The following DLAT variants were observed in gnomAD, a reference collection of about 807,000 sequenced individuals.
DLAT encodes dihydrolipoamide S-acetyltransferase.
Under a neutral mutation model 68.0 loss-of-function variants are expected in DLAT, and 43 were observed. The observed-to-expected ratio is 0.63, with a 90% CI of 0.50 to 0.81. The LOEUF is 0.81. Among genes scored for constraint, DLAT ranks in the 40% least tolerant of loss-of-function variants. The probability of loss-of-function intolerance (pLI) is 0.00; values close to 1 mark genes in which losing one functional copy is unlikely to be tolerated. For synonymous variants in DLAT, 265 were observed against 288.6 expected (o/e 0.92, Z 0.83); for missense variants, 745 against 815.4 (o/e 0.91, Z 1.05).
At chr11:112,029,097 T>G in intron 4 of DLAT, 152 bp downstream of exon 4, 1 of 881,770 alleles carries the variant, frequency 1.1e-6, no homozygotes, top group Non-Finnish European at 1.8e-6. Flanking sequence ...GATTGACAAC[T>G]ATTCTTCCTG....
At chr11:112,033,809 C>G (rs1342093761) in intron 5 of DLAT, among the ~76,000 whole-genome samples, 1 of 152,168 alleles carries the variant, frequency 6.6e-6, no homozygotes, top group Non-Finnish European at 1.5e-5. Context: ...CCTTGAACTC[C>G]TGGGCTTATG....
chr11:112,040,338 C>T (rs587609673), intron 7 of DLAT, among the ~76,000 whole-genome samples: 165 of 152,254 alleles, frequency 1.1e-3, no homozygotes, highest in African/African-American at 3.6e-3. Flanking sequence ...TAAGAATTAT[C>T]ATTCCTTATT....
chr11:112,049,932 TAGGTG>T (rs1378357755), intron 10 of DLAT, among the ~76,000 whole-genome samples: 18 of 152,252 alleles, frequency 1.2e-4, no homozygotes, highest in African/African-American at 4.3e-4. Flanking sequence ...CAATGTTGAA[TAGGTG>T]TAGCAGAAGT....
At position 112,051,191 on chromosome 11, in the gene DLAT, A is replaced by T; in HGVS notation, c.1399-43A>T. On this transcript the variant is annotated intron_variant, in intron 10 of 13. Coordinates refer to ENST00000280346, the MANE Select transcript of DLAT (RefSeq NM_001931.5). This position sits in a 1 kb window ranked among gnomAD's most constrained non-coding sequence, Gnocchi z 4.3. ...CACCCTGAAACTTAAAATTAAAATT[A>T]AAATTAAAAAAGAAGAAACTACAGT... 1.5e-6 allele frequency: 2 copies of T among 1,336,140 alleles called. No homozygotes were observed. The highest frequency in any genetic ancestry group is 2.3e-5 in the East Asian group (1 of 43,420). 82.8% of individuals were successfully genotyped at this position (1,336,140 alleles called of 1,614,324 possible). A position where few individuals can be genotyped will look rare whatever the true frequency, so the allele number is the denominator to read the frequency against.
chr11:112,037,514 A>G (rs1862837494), intron 6 of DLAT, 54 bp downstream of exon 6: 1 of 1,569,882 alleles, frequency 6.4e-7, no homozygotes, highest in Non-Finnish European at 8.7e-7. Flanking sequence ...CTCTAAATTA[A>G]GGAGTTTTGA....
chr11:112,025,769 C>A lies in DLAT; in HGVS notation c.279+18C>A, dbSNP rs781890045. ...ATCAGAAGGTGAGCCCTAGACCCCC[C>A]TTCTCGGGACCCCGTTGTCCTTCAG... is the stretch of plus-strand genomic sequence containing the variant. On this transcript the variant is annotated intron_variant, in intron 1 of 13. Coordinates refer to ENST00000280346, the MANE Select transcript of DLAT (RefSeq NM_001931.5). 1 of 1,612,640 alleles carries A rather than the reference C, an allele frequency of 6.2e-7. No individual in the cohort carries two copies. Among genetic ancestry groups the A allele is most frequent in the Admixed American group, 1.7e-5 (1 of 59,968 alleles).
Position 112,032,103 on chromosome 11 carries a change from A to G in DLAT, c.661-1301A>G, listed in dbSNP as rs1862440167. On this transcript the variant is annotated intron_variant, in intron 4 of 13. Transcript: ENST00000280346. ...CGACATGATGGCCCGGCTGGTCTTG[A>G]ACTCCTGGCCTCAAGTGATCCGCCC... Among the ~76,000 whole-genome samples, 5 of 151,422 alleles carry G rather than the reference A, an allele frequency of 3.3e-5. No individual in the cohort carries two copies. In the South Asian group the frequency reaches 1.0e-3, roughly 32 times the overall value.
In DLAT at chr11:112,062,658, C is replaced by A; in HGVS notation, c.*123C>A. The A allele has an allele frequency of 8.5e-7, 1 of 1,176,188 alleles. No individual in the cohort carries two copies. Among genetic ancestry groups the A allele is most frequent in the Non-Finnish European group, 1.2e-6 (1 of 827,022 alleles). The allele number at this position is 1,176,188 out of a possible 1,614,324, so 72.9% of individuals were successfully genotyped here. ...AGTTATTTTTATTATTGAGTCTGTC[C>A]AGATAAGTTATTTATAATGGGCATT... is the stretch of plus-strand genomic sequence containing the variant. On this transcript the variant is annotated 3_prime_UTR_variant, in exon 14 of 14. Transcript: ENST00000280346.
Position 112,060,111 on chromosome 11 carries a change from TG to T in DLAT, c.1677+47del, listed in dbSNP as rs1864468465. 9.7e-6 allele frequency: 15 copies of T among 1,547,596 alleles called. No individual in the cohort carries two copies. In the East Asian group the frequency reaches 3.4e-4, roughly 35 times the overall value. ...TTCTAATTATGTTATTTTTAAGGTT[TG>T]CATAATGCATTTATTGCATTTTTCA... On this transcript the variant is annotated intron_variant, in intron 12 of 13. Coordinates refer to ENST00000280346, the MANE Select transcript of DLAT (RefSeq NM_001931.5).
intron 10 of DLAT, among the ~76,000 whole-genome samples, chr11:112,048,254 A>G (rs587635560): frequency 3.3e-5 from 5 of 152,230 alleles, no homozygotes; most frequent in South Asian, 4.2e-4. Context: ...TTCACTCACA[A>G]TTTGGCTCTC....
chr11:112,049,035 A>G (rs1284011638), intron 10 of DLAT, among the ~76,000 whole-genome samples: 9 of 132,626 alleles, frequency 6.8e-5, no homozygotes, highest in African/African-American at 2.6e-4. Context: ...GCTAGAGTGC[A>G]GTGGCGTGAT....
At chr11:112,061,499 G>C (rs782333001) in intron 13 of DLAT, 3 of 314,194 alleles carry the variant, frequency 9.5e-6, no homozygotes, top group Non-Finnish European at 1.8e-5. Context: ...TTTGATCCAT[G>C]GTTGGTTGAA....
Position 112,037,436 on chromosome 11 carries a change from A to C in DLAT, c.951A>C (p.Gln317His). The C allele has an allele frequency of 6.2e-7, 1 of 1,614,170 alleles. No individual in the cohort carries two copies. Among genetic ancestry groups the C allele is most frequent in the Middle Eastern group, 1.6e-4 (1 of 6,062 alleles). Residue 317 changes from glutamine to histidine, a missense_variant, in exon 6 of 14, where the codon CAA becomes CAC. Physicochemically the swap from Gln to His is conservative, Grantham distance 24. Coordinates refer to ENST00000280346, the MANE Select transcript of DLAT (RefSeq NM_001931.5). ...CCGAAGTAACAGATTTAAAACCACA[A>C]GTGCCACCACCTACCCCACCCCCGG... ...RPTEVTDLKP[Q>H]VPPPTPPPVA...
At chr11:112,054,185 G>A (rs1250331662) in intron 11 of DLAT, among the ~76,000 whole-genome samples, 1 of 151,872 alleles carries the variant, frequency 6.6e-6, no homozygotes, top group Non-Finnish European at 1.5e-5. Context: ...GTATGGTGGT[G>A]CGCGCCTGTA....
chr11:112,051,137 A>G lies in DLAT; in HGVS notation c.1399-97A>G. ...AAACCACCATGGCACATGTTTACCTATATAATAAACCTGGACATTCTGCAC... is the reference window on the plus strand; with the variant it reads ...AAACCACCATGGCACATGTTTACCTGTATAATAAACCTGGACATTCTGCAC... On this transcript the variant is annotated intron_variant, in intron 10 of 13. Transcript: ENST00000280346. The surrounding 1 kb of genome is among the most constrained non-coding windows in gnomAD (Gnocchi z 4.3). 7.4e-6 allele frequency: 6 copies of G among 814,644 alleles called. No homozygotes were observed. Among genetic ancestry groups the G allele is most frequent in the Non-Finnish European group, 9.8e-6 (5 of 508,180 alleles). The allele number at this position is 814,644 out of a possible 1,614,324, so 50.5% of individuals were successfully genotyped here.
intron 10 of DLAT, among the ~76,000 whole-genome samples, chr11:112,048,529 A>T (rs1863445372): frequency 6.6e-6 from 1 of 152,134 alleles, no homozygotes; most frequent in Non-Finnish European, 1.5e-5. Flanking sequence ...GAGAGAGAGC[A>T]TCCTTGTCAT....
intron 2 of DLAT, among the ~76,000 whole-genome samples, chr11:112,027,648 G>C (rs1242293511): frequency 1.3e-5 from 2 of 152,162 alleles, no homozygotes; most frequent in Non-Finnish European, 2.9e-5. Context: ...CTGCAATCCC[G>C]GCACCTCGGG....
intron 10 of DLAT, among the ~76,000 whole-genome samples, chr11:112,049,859 C>T (rs1426349782): frequency 6.6e-6 from 1 of 151,982 alleles, no homozygotes; most frequent in Non-Finnish European, 1.5e-5. Flanking sequence ...TTACTTTTTT[C>T]ATTTTGACCT....
chr11:112,026,689 A>T (rs1377888533), intron 2 of DLAT, among the ~76,000 whole-genome samples: 1 of 152,152 alleles, frequency 6.6e-6, no homozygotes, highest in Non-Finnish European at 1.5e-5. Flanking sequence ...TACCGAGCAA[A>T]ATGAAAAGTC....
Sources: allele counts gnomAD v4.1 joint callset (sites outside exome capture counted in the v4.1 genomes callset), GRCh38; gene constraint gnomAD v4.1.1; non-coding constraint Gnocchi (gnomAD v3.1); transcripts MANE v1.5; gene names NCBI Gene and HGNC (gene_info 2026-07-23, HGNC 2026-07-21).